Variants in PKD1L1 observed in about 807,000 individuals in gnomAD.
PKD1L1 encodes the protein polycystin-1-like protein 1.
Under a neutral mutation model 323.4 loss-of-function variants are expected in PKD1L1, and 236 were observed. That is an observed-to-expected ratio of 0.73 (90% CI 0.66 to 0.81). PKD1L1 has a LOEUF of 0.81. Ranked by LOEUF, PKD1L1 falls within the 40% of genes least tolerant of loss-of-function variation. PKD1L1 has a pLI of 0.00. For synonymous variants in PKD1L1, 1,344 were observed against 1,335.0 expected, an observed-to-expected ratio of 1.01 and a Z score of -0.15; for missense variants, 3,320 against 3,508.0, an observed-to-expected ratio of 0.95 and a Z score of 1.35.
chr7:47,799,030 A>C (rs1043156566), intron 54 of PKD1L1, among the ~76,000 whole-genome samples: 26 of 152,236 alleles, frequency 1.7e-4, no homozygotes, highest in Non-Finnish European at 2.9e-4. Flanking sequence ...AATTGCCACA[A>C]TTATTTGTAT....
chr7:47,906,634 T>C (rs1450017372), intron 9 of PKD1L1, among the ~76,000 whole-genome samples: 1 of 152,196 alleles, frequency 6.6e-6, no homozygotes, highest in Non-Finnish European at 1.5e-5. Context: ...GAGCAACTCA[T>C]TTATCATAAA....
At chr7:47,842,180 G>T (rs374996912) in intron 34 of PKD1L1, among the ~76,000 whole-genome samples, 1 of 152,208 alleles carries the variant, frequency 6.6e-6, no homozygotes, top group Non-Finnish European at 1.5e-5. Context: ...ATATATACAT[G>T]TATGTTTATC....
At chr7:47,906,030 A>G in intron 9 of PKD1L1, 68 bp from the exon 10 acceptor site, 6 of 1,391,334 alleles carry the variant, frequency 4.3e-6, no homozygotes, top group Non-Finnish European at 5.8e-6. Context: ...CATGCAACAC[A>G]CAGTCAGTAT....
chr7:47,917,629 A>T (rs1787456687), intron 7 of PKD1L1, among the ~76,000 whole-genome samples: 2 of 152,236 alleles, frequency 1.3e-5, no homozygotes, highest in South Asian at 4.1e-4. Flanking sequence ...TTAGCAGCAG[A>T]TTTCTCAGCA....
chr7:47,869,134 A>C (rs1786228213), intron 24 of PKD1L1, among the ~76,000 whole-genome samples: 1 of 152,212 alleles, frequency 6.6e-6, no homozygotes, highest in Admixed American at 6.5e-5. Flanking sequence ...AATAATCATT[A>C]AAGGAGTGAA....
At chr7:47,865,082 ATTC>A in intron 26 of PKD1L1, 131 bp downstream of exon 26, 1 of 694,002 alleles carries the variant, frequency 1.4e-6, no homozygotes, top group South Asian at 2.1e-5. Flanking sequence ...ATTCAGATGA[ATTC>A]TTAAGGGAAA....
At chr7:47,852,441 A>G (rs907219043) in intron 31 of PKD1L1, among the ~76,000 whole-genome samples, 1 of 152,222 alleles carries the variant, frequency 6.6e-6, no homozygotes, top group African/African-American at 2.4e-5. Flanking sequence ...TATCCCAGTA[A>G]ACATGTAGAG....
chr7:47,785,199 G>T (rs1024142550), intron 56 of PKD1L1, among the ~76,000 whole-genome samples: 1 of 152,068 alleles, frequency 6.6e-6, no homozygotes, highest in African/African-American at 2.4e-5. Flanking sequence ...CATCCTTACC[G>T]ACCCCTCTCG....
chr7:47,876,357 C>G (rs1786403418), intron 22 of PKD1L1, 140 bp from the exon 23 acceptor site: 7 of 942,734 alleles, frequency 7.4e-6, no homozygotes, highest in African/African-American at 1.7e-5. Flanking sequence ...GACAGGTAAG[C>G]AGCACTCCCA....
chr7:47,920,826 A>C (rs1416263316), intron 7 of PKD1L1, among the ~76,000 whole-genome samples: 1 of 152,234 alleles, frequency 6.6e-6, no homozygotes, highest in Non-Finnish European at 1.5e-5. Context: ...TGCTGGGATA[A>C]TTGGCTAACC....
At chr7:47,904,129 C>A (rs763156334) in intron 12 of PKD1L1, among the ~76,000 whole-genome samples, 1 of 152,182 alleles carries the variant, frequency 6.6e-6, no homozygotes, top group African/African-American at 2.4e-5. Flanking sequence ...GTAAGCCATC[C>A]CCACCACATC....
At chr7:47,799,295 A>C (rs1784610313) in intron 54 of PKD1L1, among the ~76,000 whole-genome samples, 2 of 152,172 alleles carry the variant, frequency 1.3e-5, no homozygotes, top group South Asian at 2.1e-4. Context: ...GTAGGGAGCT[A>C]GGATCATTGA....
chr7:47,789,786 ATCTT>A (rs1786896977), intron 56 of PKD1L1, among the ~76,000 whole-genome samples: 1 of 152,194 alleles, frequency 6.6e-6, no homozygotes, highest in African/African-American at 2.4e-5. Context: ...ACATACAATT[ATCTT>A]TCTTCTAAAA....
At chr7:47,803,098 C>G in intron 53 of PKD1L1, 112 bp downstream of exon 53, 19 of 1,335,702 alleles carry the variant, frequency 1.4e-5, no homozygotes, top group Middle Eastern at 1.9e-4. Flanking sequence ...GACTGGAATT[C>G]TAGACGGTGT....
intron 31 of PKD1L1, among the ~76,000 whole-genome samples, chr7:47,847,551 AT>A (rs533536725): frequency 1.5e-3 from 228 of 149,518 alleles, no homozygotes; most frequent in African/African-American, 5.0e-3. Context: ...TTAGCCTATC[AT>A]TTTTTTTTTA....
At chr7:47,851,096 C>A (rs914621941) in intron 31 of PKD1L1, among the ~76,000 whole-genome samples, 17 of 152,160 alleles carry the variant, frequency 1.1e-4, no homozygotes, top group African/African-American at 4.1e-4. Flanking sequence ...CACACATACA[C>A]ACACACACAC....
chr7:47,791,322 T>C (rs1786942939), intron 56 of PKD1L1, among the ~76,000 whole-genome samples: 1 of 152,208 alleles, frequency 6.6e-6, no homozygotes, highest in African/African-American at 2.4e-5. Context: ...GTCATCCATA[T>C]AGTTTATTCT....
At chr7:47,859,712 C>T (rs192681566) in intron 26 of PKD1L1, among the ~76,000 whole-genome samples, 15 of 151,466 alleles carry the variant, frequency 9.9e-5, no homozygotes, top group Non-Finnish European at 1.6e-4. Flanking sequence ...CTGCATCCTC[C>T]GCCTCCTGGG....
intron 26 of PKD1L1, among the ~76,000 whole-genome samples, chr7:47,863,317 T>C (rs886965204): frequency 1.3e-5 from 2 of 151,988 alleles, no homozygotes; most frequent in East Asian, 1.9e-4. Flanking sequence ...TGAGAGCGTG[T>C]AGTTATACGT....
Sources: allele counts gnomAD v4.1 joint callset (sites outside exome capture counted in the v4.1 genomes callset), GRCh38; gene constraint gnomAD v4.1.1; transcripts MANE v1.5; gene names NCBI Gene and HGNC (gene_info 2026-07-23, HGNC 2026-07-21).